Variants in DMXL1 observed in about 807,000 individuals in gnomAD.
The protein encoded by DMXL1 is Dmx like 1.
In DMXL1, 99 loss-of-function variants were observed where a neutral mutation model predicts 319.2. That is an observed-to-expected ratio of 0.31 (90% confidence interval 0.26 to 0.37). The LOEUF (loss-of-function observed/expected upper bound fraction) is 0.37, where lower values mean the gene tolerates loss of function less well. Ranked by LOEUF, DMXL1 falls within the 10% of genes least tolerant of loss-of-function variation. DMXL1 has a pLI of 1.00. For missense variants in DMXL1, 3,745 were observed against 3,595.6 expected (o/e 1.04, Z -1.06); for synonymous variants, 1,385 against 1,235.2 (o/e 1.12, Z -2.54).
intron 2 of DMXL1, among the ~76,000 whole-genome samples, chr5:119,101,289 C>G (rs1757218444): frequency 6.6e-6 from 1 of 152,092 alleles, no homozygotes. Flanking sequence ...CTTACCTTCT[C>G]TTTACTACAT....
chr5:119,138,076 T>G (rs1194884544), intron 13 of DMXL1, among the ~76,000 whole-genome samples: 4 of 152,142 alleles, frequency 2.6e-5, no homozygotes, highest in African/African-American at 9.7e-5. Flanking sequence ...AGACGTGGGA[T>G]GCGGAAGTAG....
At chr5:119,189,957 A>G in intron 29 of DMXL1, 71 bp downstream of exon 29, 1 of 1,449,624 alleles carries the variant, frequency 6.9e-7, no homozygotes, top group Non-Finnish European at 9.4e-7. Flanking sequence ...AATAAGTGTC[A>G]TTTTTGGTGC....
At chr5:119,167,238 A>G (rs1773617726) in intron 22 of DMXL1, among the ~76,000 whole-genome samples, 1 of 152,164 alleles carries the variant, frequency 6.6e-6, no homozygotes, top group Admixed American at 6.5e-5. Context: ...AATTCAAAAC[A>G]ACCTTTTAAT....
intron 42 of DMXL1, among the ~76,000 whole-genome samples, chr5:119,241,006 G>C (rs1788676067): frequency 6.6e-6 from 1 of 152,162 alleles, no homozygotes; most frequent in African/African-American, 2.4e-5. Flanking sequence ...TTGGGATGCT[G>C]ACCCCTGCAC....
chr5:119,186,330 G>A (rs1313454233), intron 28 of DMXL1, among the ~76,000 whole-genome samples: 1 of 151,986 alleles, frequency 6.6e-6, no homozygotes, highest in Non-Finnish European at 1.5e-5. Flanking sequence ...GAGTGCAATG[G>A]TGTGATCTCA....
intron 34 of DMXL1, among the ~76,000 whole-genome samples, chr5:119,208,135 A>C (rs1782074546): frequency 6.6e-6 from 1 of 152,110 alleles, no homozygotes; most frequent in Non-Finnish European, 1.5e-5. Context: ...AATATAATTC[A>C]AACTTTTAAT....
At chr5:119,092,800 G>T (rs1193917252) in intron 1 of DMXL1, among the ~76,000 whole-genome samples, 1 of 152,172 alleles carries the variant, frequency 6.6e-6, no homozygotes, top group Non-Finnish European at 1.5e-5. Flanking sequence ...GTGGTCTTTT[G>T]TAAAGTTCAT....
At chr5:119,198,246 C>G (rs1284720688) in intron 32 of DMXL1, among the ~76,000 whole-genome samples, 2 of 152,182 alleles carry the variant, frequency 1.3e-5, no homozygotes, top group Non-Finnish European at 2.9e-5. Flanking sequence ...GCCTCGGCCT[C>G]CCAAAGTGCT....
chr5:119,208,306 C>T (rs534558023), intron 34 of DMXL1, among the ~76,000 whole-genome samples: 218 of 151,720 alleles, frequency 1.4e-3, no homozygotes, highest in African/African-American at 4.8e-3. Context: ...CTCCGCCTCC[C>T]GGGTTCAAGC....
At chr5:119,227,697 C>T (rs1198092373) in intron 38 of DMXL1, among the ~76,000 whole-genome samples, 1 of 152,052 alleles carries the variant, frequency 6.6e-6, no homozygotes, top group Non-Finnish European at 1.5e-5. Context: ...TGATTCTGTG[C>T]ATAGTCTCCA....
At chr5:119,074,651 A>G (rs1227604902) in intron 1 of DMXL1, among the ~76,000 whole-genome samples, 2 of 152,214 alleles carry the variant, frequency 1.3e-5, no homozygotes, top group Non-Finnish European at 1.5e-5. Flanking sequence ...TCAGGCATCA[A>G]GCTGTTTTGA....
Position 119,159,686 on chromosome 5 carries a change from G to A in DMXL1, c.4703-4821G>A, listed in dbSNP as rs145989620. On this transcript the variant is annotated intron_variant, in intron 19 of 43. Coordinates refer to ENST00000539542, the MANE Select transcript of DMXL1 (RefSeq NM_001290321.3). ...GTCGCCCAGGCTGGAGTGCCGTGGC[G>A]CCTCGCAGCTCACTGCGACCTGTGC... Among the ~76,000 whole-genome samples, 835 of 152,246 alleles carry A rather than the reference G, an allele frequency of 5.5e-3. 4 individuals are homozygous for A. Among genetic ancestry groups the A allele is most frequent in the Middle Eastern group, 0.014 (4 of 294 alleles).
At position 119,088,716 on chromosome 5, in the gene DMXL1, T is replaced by A. The variant is rs182731977; in HGVS notation, c.88-9263T>A. Among the ~76,000 whole-genome samples the A allele has an allele frequency of 2.0e-3, 304 of 152,300 alleles. 6 individuals are homozygous for A. Among genetic ancestry groups the A allele is most frequent in the Admixed American group, 0.019 (292 of 15,288 alleles). ...AAAACATCTTATTGAAGTGCGTTATTATCTTAAAGGTATGACAGCTTATAT... is the reference window on the plus strand; with the variant it reads ...AAAACATCTTATTGAAGTGCGTTATAATCTTAAAGGTATGACAGCTTATAT... On this transcript the variant is annotated intron_variant, in intron 1 of 43. Transcript: ENST00000539542.
intron 32 of DMXL1, among the ~76,000 whole-genome samples, chr5:119,198,403 T>C (rs898075689): frequency 1.1e-4 from 17 of 152,338 alleles, no homozygotes; most frequent in Non-Finnish European, 1.5e-4. Flanking sequence ...TACACAAATA[T>C]ATTCAGTTTT....
chr5:119,116,220 A>C lies in DMXL1; in HGVS notation c.627A>C (p.Pro209=). The stretch of plus-strand genomic sequence containing the variant: ...ACTGGCGGACAGCTGTTACTTCTCC[A>C]GATGGAAGTTCAGAAAAACAATCCC... The part of the protein sequence containing the change: ...VENWRTAVTS[P]DGSSEKQSQG... The change falls in exon 7 of 44, where the codon CCA becomes CCC. Residue 209 remains proline, a synonymous_variant. Transcript: ENST00000539542. 2 of 1,613,952 alleles carry C rather than the reference A, an allele frequency of 1.2e-6. No individual in the cohort carries two copies. The highest frequency in any genetic ancestry group is 1.7e-6 in the Non-Finnish European group (2 of 1,179,972).
At chr5:119,085,244 T>A (rs1192601921) in intron 1 of DMXL1, among the ~76,000 whole-genome samples, 1 of 151,876 alleles carries the variant, frequency 6.6e-6, no homozygotes, top group Non-Finnish European at 1.5e-5. Context: ...GGCGTGAGAA[T>A]CGCTTGAACC....
At chr5:119,074,076 G>A (rs1276135448) in intron 1 of DMXL1, among the ~76,000 whole-genome samples, 1 of 152,060 alleles carries the variant, frequency 6.6e-6, no homozygotes, top group Non-Finnish European at 1.5e-5. Context: ...GTGCCACCAT[G>A]CCCTGCTAAT....
intron 9 of DMXL1, among the ~76,000 whole-genome samples, chr5:119,124,562 A>ATT (rs1763065993): frequency 7.9e-6 from 1 of 125,832 alleles, no homozygotes; most frequent in Admixed American, 8.9e-5. Context: ...TATGGTGATG[A>ATT]CTTTTTTTTT....
At chr5:119,146,753 A>T in intron 15 of DMXL1, 84 bp from the exon 16 acceptor site, 1 of 1,332,006 alleles carries the variant, frequency 7.5e-7, no homozygotes, top group Non-Finnish European at 1.0e-6. Flanking sequence ...CTTTTTTTAA[A>T]GTCCAATTAT....
Sources: gnomAD v4.1 joint callset for allele counts (sites outside exome capture counted in the v4.1 genomes callset) on GRCh38, gnomAD v4.1.1 for gene constraint, MANE v1.5 for transcripts, NCBI Gene and HGNC (gene_info 2026-07-23, HGNC 2026-07-21) for gene names.